Variants in NXPE4 observed in about 807,000 individuals in gnomAD.
The protein encoded by NXPE4 is NXPE family member 4.
In NXPE4, 42 loss-of-function variants were observed where a neutral mutation model predicts 33.3. The ratio of observed to expected loss-of-function variants is 1.26; its 90% CI spans 0.98 to 1.63. NXPE4 has a LOEUF of 1.63. NXPE4 is among the 40% of genes most tolerant of loss of function. The pLI, the probability that NXPE4 is intolerant of heterozygous loss-of-function variation, is 0.00. For synonymous variants in NXPE4, 253 were observed against 234.9 expected, an observed-to-expected ratio of 1.08 and a Z score of -0.71; for missense variants, 709 against 647.6, an observed-to-expected ratio of 1.09 and a Z score of -1.03.
At chr11:114,634,132 C>T in the NXPE4 span, among the ~76,000 whole-genome samples, 3 of 151,444 alleles carry the variant, frequency 2.0e-5, no homozygotes, top group Non-Finnish European at 2.9e-5. Flanking sequence ...CTGTTGTTTC[C>T]TGACTTTTTA....
At chr11:114,602,853 A>G in the NXPE4 span, among the ~76,000 whole-genome samples, 1 of 147,454 alleles carries the variant, frequency 6.8e-6, no homozygotes, top group Non-Finnish European at 1.5e-5. Flanking sequence ...AGAATCACAT[A>G]TAATTATCTC....
the NXPE4 span, among the ~76,000 whole-genome samples, chr11:114,617,383 G>A: frequency 6.6e-6 from 1 of 150,678 alleles, no homozygotes; most frequent in Admixed American, 6.6e-5. Context: ...CTGTTACCCG[G>A]TAGATAATAA....
the NXPE4 span, among the ~76,000 whole-genome samples, chr11:114,623,060 T>G: frequency 1.3e-5 from 2 of 151,936 alleles, no homozygotes; most frequent in African/African-American, 4.8e-5. Context: ...AGTGTTGCCT[T>G]GAGGGTAACC....
intron 3 of NXPE4, 70 bp downstream of exon 3, chr11:114,582,218 T>G: frequency 6.8e-7 from 1 of 1,473,884 alleles, no homozygotes; most frequent in South Asian, 1.4e-5. Context: ...CACAAGACTT[T>G]TCTTTGGATC....
chr11:114,603,721 G>C, the NXPE4 span, among the ~76,000 whole-genome samples: 1 of 151,476 alleles, frequency 6.6e-6, no homozygotes, highest in African/African-American at 2.4e-5. Flanking sequence ...TCGTCTCCTA[G>C]TTAACTCCTA....
At chr11:114,604,344 C>G in the NXPE4 span, among the ~76,000 whole-genome samples, 1 of 152,026 alleles carries the variant, frequency 6.6e-6, no homozygotes, top group Non-Finnish European at 1.5e-5. Context: ...TCGTGGGTAA[C>G]CACTGTTACC....
At chr11:114,646,007 T>C in the NXPE4 span, among the ~76,000 whole-genome samples, 1 of 152,138 alleles carries the variant, frequency 6.6e-6, no homozygotes, top group African/African-American at 2.4e-5. Context: ...TGGTTAGTAC[T>C]TCAGAGAAAA....
rs755139961 is a variant in NXPE4, at chr11:114,582,803, G to T, written c.315C>A (p.Leu105=). The part of the protein sequence containing the change: ...TSATHSTATI[L]NPRDTYCRGD... ...CCCTGCAGTACGTATCTCGAGGGTT[G>T]AGGATGGTGGCTGTGCTATGTGTGG... Residue 105 remains leucine, a synonymous_variant, in exon 3 of 6, where the codon CTC becomes CTA. Transcript: ENST00000375478. The T allele has an allele frequency of 8.1e-6, 13 of 1,614,192 alleles. No homozygotes were observed. The highest frequency in any genetic ancestry group is 1.1e-5 in the Non-Finnish European group (13 of 1,180,014).
chr11:114,660,946 A>G, the NXPE4 span, among the ~76,000 whole-genome samples: 1 of 152,180 alleles, frequency 6.6e-6, no homozygotes, highest in Non-Finnish European at 1.5e-5. Flanking sequence ...CCCTTAATAT[A>G]AAGTTTTATT....
upstream of NXPE4, among the ~76,000 whole-genome samples, chr11:114,597,552 A>T (rs1248424214): frequency 6.6e-6 from 1 of 152,188 alleles, no homozygotes; most frequent in East Asian, 1.9e-4. Flanking sequence ...ACACAGATGT[A>T]TATTTTCAAG....
At chr11:114,651,863 G>A in the NXPE4 span, among the ~76,000 whole-genome samples, 255 of 152,180 alleles carry the variant, frequency 1.7e-3, 2 homozygotes, top group African/African-American at 5.1e-3. Context: ...GTCCCCACCC[G>A]ACCCAGAAGC....
At chr11:114,670,447 C>A in the NXPE4 span, among the ~76,000 whole-genome samples, 1 of 152,012 alleles carries the variant, frequency 6.6e-6, no homozygotes. Context: ...GTAATCCCAG[C>A]ACTGAAGTGG....
the NXPE4 span, among the ~76,000 whole-genome samples, chr11:114,649,968 TA>T: frequency 6.6e-6 from 1 of 152,212 alleles, no homozygotes; most frequent in Non-Finnish European, 1.5e-5. Flanking sequence ...ATATTATATG[TA>T]AAATATGCAT....
chr11:114,633,117 T>C, the NXPE4 span, among the ~76,000 whole-genome samples: 1 of 122,990 alleles, frequency 8.1e-6, no homozygotes, highest in Middle Eastern at 0.011. Context: ...CATTATATTT[T>C]ATATAATTTA....
chr11:114,647,705 A>ATTTTTT, the NXPE4 span, among the ~76,000 whole-genome samples: 2 of 147,456 alleles, frequency 1.4e-5, no homozygotes, highest in Non-Finnish European at 1.5e-5. Flanking sequence ...ATTTTATTTT[A>ATTTTTT]TTTTTTTTTT....
the NXPE4 span, among the ~76,000 whole-genome samples, chr11:114,641,050 C>A: frequency 6.6e-6 from 1 of 151,572 alleles, no homozygotes; most frequent in African/African-American, 2.4e-5. Flanking sequence ...AACAAGACAT[C>A]AGAAAGAAGA....
chr11:114,571,818 G>C (rs562204318), intron 5 of NXPE4, among the ~76,000 whole-genome samples: 1 of 152,166 alleles, frequency 6.6e-6, no homozygotes, highest in East Asian at 1.9e-4. Flanking sequence ...TGAAGGAACA[G>C]GATCACCACT....
chr11:114,594,060 A>G (rs536657279), intron 2 of NXPE4, among the ~76,000 whole-genome samples: 39 of 152,248 alleles, frequency 2.6e-4, no homozygotes, highest in African/African-American at 9.1e-4. Context: ...AAGTGGGGTT[A>G]GTTAATGAGT....
At chr11:114,648,831 A>G in the NXPE4 span, among the ~76,000 whole-genome samples, 9 of 152,218 alleles carry the variant, frequency 5.9e-5, no homozygotes, top group African/African-American at 1.9e-4. Flanking sequence ...TAAATACTTG[A>G]TATCTTATAA....
Sources: allele counts gnomAD v4.1 joint callset (sites outside exome capture counted in the v4.1 genomes callset), GRCh38; gene constraint gnomAD v4.1.1; transcripts MANE v1.5; gene names NCBI Gene and HGNC (gene_info 2026-07-23, HGNC 2026-07-21).